COL25A1: variants seen among roughly 807,000 people sequenced by gnomAD.
The protein encoded by COL25A1 is collagen type XXV alpha 1 chain, also known as collagen alpha-1(XXV) chain.
In COL25A1, 103 loss-of-function variants were observed where a neutral mutation model predicts 128.4. The ratio of observed to expected loss-of-function variants is 0.80; its 90% CI spans 0.68 to 0.94. The LOEUF (loss-of-function observed/expected upper bound fraction) is 0.94. Among genes scored for constraint, COL25A1 ranks in the 40% least tolerant of loss-of-function variants. The probability of loss-of-function intolerance (pLI) is 0.00; values close to 1 mark genes in which losing one functional copy is unlikely to be tolerated. For synonymous variants in COL25A1, 279 were observed against 277.2 expected (o/e 1.01, Z -0.06); for missense variants, 745 against 840.0 (o/e 0.89, Z 1.40).
intron 13 of COL25A1, among the ~76,000 whole-genome samples, chr4:108,902,428 A>G (rs1412436934): frequency 6.6e-6 from 1 of 151,932 alleles, no homozygotes; most frequent in Non-Finnish European, 1.5e-5. Flanking sequence ...GTATGCTCTT[A>G]ACACCATGTT....
chr4:108,957,136 C>A (rs1750159829), intron 8 of COL25A1, among the ~76,000 whole-genome samples: 1 of 152,054 alleles, frequency 6.6e-6, no homozygotes, highest in African/African-American at 2.4e-5. Flanking sequence ...CACATTTATC[C>A]AGGCCCACCT....
intron 31 of COL25A1, among the ~76,000 whole-genome samples, chr4:108,837,177 TA>T (rs1408048989): frequency 1.3e-5 from 2 of 152,228 alleles, no homozygotes; most frequent in African/African-American, 4.8e-5. Context: ...TGGATGTATG[TA>T]AGGCACTTGC....
At chr4:109,153,412 T>C (rs1771714674) in intron 3 of COL25A1, among the ~76,000 whole-genome samples, 2 of 149,950 alleles carry the variant, frequency 1.3e-5, no homozygotes, top group Admixed American at 1.3e-4. Context: ...ACTCTGTATG[T>C]GCTTTTTTAA....
chr4:109,152,232 T>C (rs1278586274), intron 3 of COL25A1, among the ~76,000 whole-genome samples: 1 of 152,174 alleles, frequency 6.6e-6, no homozygotes, highest in Non-Finnish European at 1.5e-5. Context: ...TTTATTGTGA[T>C]AAAATATCAA....
At chr4:109,172,666 C>A (rs143481540) in intron 3 of COL25A1, among the ~76,000 whole-genome samples, 140 of 152,310 alleles carry the variant, frequency 9.2e-4, no homozygotes, top group East Asian at 5.6e-3. Flanking sequence ...AATCTGAAAT[C>A]CCTTTCTGAG....
intron 3 of COL25A1, among the ~76,000 whole-genome samples, chr4:109,159,123 T>G (rs1772317478): frequency 6.6e-6 from 1 of 151,844 alleles, no homozygotes; most frequent in South Asian, 2.1e-4. Flanking sequence ...TGCTAAAAAT[T>G]TTTTATAATG....
At chr4:109,203,626 A>G (rs1417201407) in intron 3 of COL25A1, among the ~76,000 whole-genome samples, 2 of 152,284 alleles carry the variant, frequency 1.3e-5, no homozygotes, top group East Asian at 3.9e-4. Context: ...AAAGAATCCT[A>G]CAGGTTGTCT....
intron 24 of COL25A1, among the ~76,000 whole-genome samples, chr4:108,855,210 T>TTTA (rs1491518168): frequency 3.3e-5 from 5 of 149,586 alleles, no homozygotes; most frequent in Admixed American, 2.7e-4. Context: ...TTTTATTTTT[T>TTTA]AAATTGTTGT....
At chr4:108,948,746 G>A (rs1199178128) in intron 8 of COL25A1, among the ~76,000 whole-genome samples, 1 of 151,994 alleles carries the variant, frequency 6.6e-6, no homozygotes, top group East Asian at 1.9e-4. Flanking sequence ...TAAGTTATTT[G>A]GAAGAGAAAG....
At chr4:108,898,793 T>G (rs900824424) in intron 15 of COL25A1, among the ~76,000 whole-genome samples, 3 of 152,148 alleles carry the variant, frequency 2.0e-5, no homozygotes, top group African/African-American at 7.2e-5. Context: ...CTTAAAAGCC[T>G]GACACAGAAT....
At position 108,831,130 on chromosome 4, in the gene COL25A1, T is replaced by C. The variant is rs368161994; in HGVS notation, c.1710+1250A>G. On this transcript the variant is annotated intron_variant, in intron 32 of 37. Coordinates refer to ENST00000399132, the MANE Select transcript of COL25A1 (RefSeq NM_198721.4). ...GCATTTTTTTTTCTCTGCAATTAGA[T>C]TGTAAACTCTTCTAGGTCAGGAAGA... 2.5e-3 allele frequency among the ~76,000 whole-genome samples: 385 copies of C among 152,108 alleles called. 4 individuals are homozygous for C. Among genetic ancestry groups the C allele is most frequent in the African/African-American group, 8.9e-3 (371 of 41,518 alleles).
intron 3 of COL25A1, among the ~76,000 whole-genome samples, chr4:109,282,704 A>G (rs1723491568): frequency 6.6e-6 from 1 of 152,226 alleles, no homozygotes; most frequent in Non-Finnish European, 1.5e-5. Flanking sequence ...TTCCCTGGCT[A>G]ATGTGCCATT....
At chr4:108,890,813 C>T (rs931254733) in intron 16 of COL25A1, among the ~76,000 whole-genome samples, 2 of 152,176 alleles carry the variant, frequency 1.3e-5, no homozygotes, top group African/African-American at 4.8e-5. Flanking sequence ...GACATAAGGC[C>T]TCAGGCCTCT....
At chr4:108,937,957 G>T (rs192067910) in intron 10 of COL25A1, 114 bp from the exon 11 acceptor site, 2 of 759,474 alleles carry the variant, frequency 2.6e-6, no homozygotes, top group Admixed American at 5.3e-5. Flanking sequence ...ATTTCTTCAG[G>T]TTAAATAGAG....
At chr4:109,255,945 T>C (rs1028793105) in intron 3 of COL25A1, among the ~76,000 whole-genome samples, 1 of 152,178 alleles carries the variant, frequency 6.6e-6, no homozygotes, top group East Asian at 1.9e-4. Flanking sequence ...AAGTCACAAA[T>C]GGCATTTAGA....
Position 109,242,446 on chromosome 4 carries a change from G to A in COL25A1, c.367+58137C>T, listed in dbSNP as rs552575704. 3.1e-4 allele frequency among the ~76,000 whole-genome samples: 47 copies of A among 152,166 alleles called. No individual in the cohort carries two copies. The Middle Eastern group carries it at 0.01, about 33-fold the overall frequency. On this transcript the variant is annotated intron_variant, in intron 3 of 37. Transcript: ENST00000399132. ...AAGAGGTGAGGGGATGAGGTTGAAG[G>A]TCAAATTATGAATGGTTGTTTTATG...
intron 3 of COL25A1, among the ~76,000 whole-genome samples, chr4:109,079,546 A>G (rs1763657027): frequency 6.6e-6 from 1 of 152,178 alleles, no homozygotes; most frequent in Non-Finnish European, 1.5e-5. Context: ...GTACACAGAG[A>G]TATACAAACA....
chr4:109,135,946 T>C (rs1175982681), intron 3 of COL25A1, among the ~76,000 whole-genome samples: 1 of 152,184 alleles, frequency 6.6e-6, no homozygotes, highest in Non-Finnish European at 1.5e-5. Flanking sequence ...ACAGTTAATG[T>C]AATCAACAAG....
intron 26 of COL25A1, among the ~76,000 whole-genome samples, chr4:108,850,602 C>A (rs184859488): frequency 2.2e-4 from 34 of 152,198 alleles, no homozygotes; most frequent in Non-Finnish European, 3.5e-4. Flanking sequence ...TCAGTTTCAA[C>A]TCAAAGCCAC....
Sources: allele counts gnomAD v4.1 joint callset (sites outside exome capture counted in the v4.1 genomes callset), GRCh38; gene constraint gnomAD v4.1.1; transcripts MANE v1.5; gene names NCBI Gene and HGNC (gene_info 2026-07-23, HGNC 2026-07-21).